PTDSS1: variants seen among roughly 807,000 people sequenced by gnomAD.
PTDSS1 encodes PSS-1.
In PTDSS1, 45 loss-of-function variants were observed where a neutral mutation model predicts 70.5. The ratio of observed to expected loss-of-function variants is 0.64; its 90% confidence interval spans 0.50 to 0.82. The LOEUF (loss-of-function observed/expected upper bound fraction) is 0.82, where lower values mean the gene tolerates loss of function less well. PTDSS1 is among the 40% of genes least tolerant of loss of function. PTDSS1 has a pLI of 0.00. For missense variants in PTDSS1, 417 were observed against 586.1 expected, an observed-to-expected ratio of 0.71 and a Z score of 2.98; for synonymous variants, 188 against 203.8, an observed-to-expected ratio of 0.92 and a Z score of 0.66.
At chr8:96,297,013 C>T (rs1012285537) in intron 5 of PTDSS1, among the ~76,000 whole-genome samples, 10 of 152,188 alleles carry the variant, frequency 6.6e-5, no homozygotes, top group African/African-American at 2.2e-4. Context: ...TTCTAAGCAC[C>T]CAGTCGTCCA....
chr8:96,302,247 GTCTCGAAC>G (rs1418475841), intron 6 of PTDSS1, among the ~76,000 whole-genome samples: 19 of 152,024 alleles, frequency 1.2e-4, no homozygotes, highest in African/African-American at 4.1e-4. Flanking sequence ...GGCCAGGCTA[GTCTCGAAC>G]TCCCAACCTC....
chr8:96,269,714 T>A (rs893228985), intron 1 of PTDSS1, among the ~76,000 whole-genome samples: 1 of 152,142 alleles, frequency 6.6e-6, no homozygotes, highest in African/African-American at 2.4e-5. Flanking sequence ...TCAGAGACAG[T>A]TCCTACATAT....
intron 2 of PTDSS1, among the ~76,000 whole-genome samples, chr8:96,281,463 C>G (rs1249896609): frequency 6.6e-6 from 1 of 152,080 alleles, no homozygotes; most frequent in Non-Finnish European, 1.5e-5. Flanking sequence ...CAAAAGTTAC[C>G]AGTGGTTCCC....
At chr8:96,326,766 GGA>G (rs1811444209) in intron 10 of PTDSS1, among the ~76,000 whole-genome samples, 1 of 152,216 alleles carries the variant, frequency 6.6e-6, no homozygotes, top group Non-Finnish European at 1.5e-5. Flanking sequence ...ATGGAGGCTG[GGA>G]GAGTCTAGAG....
At chr8:96,298,845 G>A (rs1341006770) in intron 5 of PTDSS1, among the ~76,000 whole-genome samples, 1 of 151,992 alleles carries the variant, frequency 6.6e-6, no homozygotes, top group Non-Finnish European at 1.5e-5. Flanking sequence ...TTCGAGACCA[G>A]CCTGGCCAAC....
Position 96,262,191 on chromosome 8 carries a change from G to A in PTDSS1, c.151G>A (p.Val51Ile), listed in dbSNP as rs1810414572. 2 of 1,613,168 alleles carry A rather than the reference G, an allele frequency of 1.2e-6. No individual in the cohort carries two copies. The highest frequency in any genetic ancestry group is 2.2e-5 in the East Asian group (1 of 44,786). The change falls in exon 1 of 13, where the codon GTC becomes ATC. Residue 51 changes from valine to isoleucine, a missense_variant. By Grantham distance (29) the Val-to-Ile change is conservative (BLOSUM62 3). This residue lies in a region of PTDSS1 where 272 missense variants were observed against 429.5 expected (regional missense o/e 0.63). Coordinates refer to ENST00000517309, the MANE Select transcript of PTDSS1 (RefSeq NM_014754.3). This position sits in a 1 kb window ranked among gnomAD's most constrained non-coding sequence, Gnocchi z 4.4. ...HTITLLSFTI[V>I]SLMYFAFTRD... ...CATCACCCTGCTCAGCTTCACCATC[G>A]TCAGCCTCATGTACTTCGCCTTTAC...
intron 6 of PTDSS1, among the ~76,000 whole-genome samples, chr8:96,301,311 G>A (rs913071054): frequency 1.3e-5 from 2 of 152,030 alleles, no homozygotes; most frequent in African/African-American, 4.8e-5. Context: ...GGCCAGGCTG[G>A]TCTCGAACTC....
At chr8:96,277,635 T>C (rs1452587273) in intron 2 of PTDSS1, among the ~76,000 whole-genome samples, 3 of 152,238 alleles carry the variant, frequency 2.0e-5, no homozygotes, top group African/African-American at 7.2e-5. Flanking sequence ...TCTGGCAACT[T>C]GAAATGCATT....
intron 8 of PTDSS1, among the ~76,000 whole-genome samples, chr8:96,308,160 T>G (rs1457072931): frequency 6.6e-6 from 1 of 152,206 alleles, no homozygotes; most frequent in East Asian, 1.9e-4. Flanking sequence ...GCTTCTTCCT[T>G]TTTTATTAGA....
chr8:96,317,157 C>T (rs1399170438), intron 9 of PTDSS1, among the ~76,000 whole-genome samples: 1 of 151,864 alleles, frequency 6.6e-6, no homozygotes, highest in African/African-American at 2.4e-5. Flanking sequence ...TCCCCTCAGA[C>T]TAAAAGCCAA....
chr8:96,274,297 G>A (rs1045688719), intron 2 of PTDSS1, among the ~76,000 whole-genome samples: 1 of 152,090 alleles, frequency 6.6e-6, no homozygotes, highest in Non-Finnish European at 1.5e-5. Context: ...GCTATCATGT[G>A]TAATATAAGA....
chr8:96,283,290 G>T (rs1810769449), intron 2 of PTDSS1, among the ~76,000 whole-genome samples: 1 of 152,222 alleles, frequency 6.6e-6, no homozygotes. Flanking sequence ...AGTGTAGGAA[G>T]GCTGTTCAAA....
At chr8:96,285,998 G>A (rs1810817098) in intron 3 of PTDSS1, among the ~76,000 whole-genome samples, 1 of 152,102 alleles carries the variant, frequency 6.6e-6, no homozygotes, top group Non-Finnish European at 1.5e-5. Flanking sequence ...TTATGGGCTG[G>A]CCACATACCA....
intron 9 of PTDSS1, among the ~76,000 whole-genome samples, chr8:96,310,651 A>C (rs1238594509): frequency 6.6e-6 from 1 of 152,094 alleles, no homozygotes; most frequent in Non-Finnish European, 1.5e-5. Context: ...TTGTCACATC[A>C]AAAGGGCCCC....
chr8:96,269,330 A>G lies in PTDSS1; in HGVS notation c.180-3969A>G, dbSNP rs114069354. ...TAATATTGGCTCTGCCTTCCCCCAC[A>G]GAACTGTGGAACTGTTAAATAAAAC... On this transcript the variant is annotated intron_variant, in intron 1 of 12. Transcript: ENST00000517309. 3.6e-3 allele frequency among the ~76,000 whole-genome samples: 543 copies of G among 152,300 alleles called. 1 individual carries two copies. The highest frequency in any genetic ancestry group is 0.012 in the African/African-American group (500 of 41,556).
chr8:96,320,650 G>A (rs1811361394), intron 10 of PTDSS1, among the ~76,000 whole-genome samples: 1 of 152,182 alleles, frequency 6.6e-6, no homozygotes, highest in Non-Finnish European at 1.5e-5. Flanking sequence ...GGACCACCAT[G>A]AAAGGACAAG....
At chr8:96,315,712 C>T (rs1041187022) in intron 9 of PTDSS1, among the ~76,000 whole-genome samples, 1 of 152,122 alleles carries the variant, frequency 6.6e-6, no homozygotes, top group African/African-American at 2.4e-5. Flanking sequence ...TCAGGCTGCC[C>T]AAATGTTTAT....
chr8:96,304,189 T>C lies in PTDSS1; in HGVS notation c.894+8T>C. 6.3e-7 allele frequency: 1 copy of C among 1,593,676 alleles called. No homozygotes were observed. The highest frequency in any genetic ancestry group is 8.5e-7 in the Non-Finnish European group (1 of 1,174,640). Reference sequence around the variant, plus strand: ...TTCATGATCATCTGGCAGGTATTTTTTCAGATGCCCAGAAGTTGGGAGGAA... The same window carrying C: ...TTCATGATCATCTGGCAGGTATTTTCTCAGATGCCCAGAAGTTGGGAGGAA... On this transcript the variant is annotated splice_region_variant and intron_variant, in intron 7 of 12. Transcript: ENST00000517309.
At chr8:96,324,546 G>T (rs188778589) in intron 10 of PTDSS1, among the ~76,000 whole-genome samples, 3 of 152,208 alleles carry the variant, frequency 2.0e-5, no homozygotes, top group Admixed American at 6.5e-5. Context: ...ATCCAGTGAG[G>T]TCATCCCATG....
Sources: gnomAD v4.1 joint callset for allele counts (sites outside exome capture counted in the v4.1 genomes callset) on GRCh38, gnomAD v4.1.1 for gene constraint, gnomAD v4.1.1 regional missense constraint, Gnocchi (gnomAD v3.1) non-coding constraint, MANE v1.5 for transcripts, NCBI Gene and HGNC (gene_info 2026-07-23, HGNC 2026-07-21) for gene names.